SGCZ: variants seen among roughly 807,000 people sequenced by gnomAD.
SGCZ encodes the protein sarcoglycan zeta, also known as zeta-sarcoglycan.
Under a neutral mutation model 41.3 loss-of-function variants are expected in SGCZ, and 40 were observed. The observed-to-expected ratio is 0.97, with a 90% confidence interval of 0.75 to 1.26. The LOEUF (loss-of-function observed/expected upper bound fraction) is 1.26. Among genes scored for constraint, SGCZ ranks in the 50% most tolerant of loss-of-function variants. SGCZ has a pLI of 0.00. For synonymous variants in SGCZ, 206 were observed against 137.5 expected, an observed-to-expected ratio of 1.50 and a Z score of -3.49; for missense variants, 552 against 369.8, an observed-to-expected ratio of 1.49 and a Z score of -4.04.
chr8:14,496,841 T>C (rs1265374439), intron 2 of SGCZ, among the ~76,000 whole-genome samples: 1 of 152,322 alleles, frequency 6.6e-6, no homozygotes, highest in South Asian at 2.1e-4. Context: ...AACAAGAGTG[T>C]ATACATTTTT....
intron 2 of SGCZ, among the ~76,000 whole-genome samples, chr8:14,417,371 GA>G (rs1799521571): frequency 1.3e-5 from 2 of 151,728 alleles, no homozygotes; most frequent in Admixed American, 6.6e-5. Flanking sequence ...TGAGGGTTAG[GA>G]AAATAGACTT....
At chr8:14,100,072 ACAGT>A (rs150051357) in intron 7 of SGCZ, among the ~76,000 whole-genome samples, 3,258 of 152,238 alleles carry the variant, frequency 0.021, 134 homozygotes, top group African/African-American at 0.075. Context: ...AATCTGTGGT[ACAGT>A]CAATGTAGCA....
chr8:14,837,528 G>A (rs1291497745), intron 1 of SGCZ, among the ~76,000 whole-genome samples: 1 of 152,216 alleles, frequency 6.6e-6, no homozygotes, highest in Non-Finnish European at 1.5e-5. Flanking sequence ...GTGTCCATGT[G>A]GCAAGTTTCT....
intron 1 of SGCZ, among the ~76,000 whole-genome samples, chr8:14,650,354 A>G (rs1807357491): frequency 6.6e-6 from 1 of 151,996 alleles, no homozygotes. Flanking sequence ...TGTTTTTTAA[A>G]AAACTTGTAT....
At chr8:14,512,080 G>A (rs1481050265) in intron 2 of SGCZ, among the ~76,000 whole-genome samples, 2 of 152,066 alleles carry the variant, frequency 1.3e-5, no homozygotes, top group Non-Finnish European at 2.9e-5. Context: ...AGTAATAACT[G>A]ACACCATGAA....
Position 14,590,917 on chromosome 8 carries a change from T to G in SGCZ, c.40-35991A>C, listed in dbSNP as rs112168681. 8.5e-3 allele frequency among the ~76,000 whole-genome samples: 1,269 copies of G among 149,966 alleles called. 12 individuals are homozygous for G. The highest frequency in any genetic ancestry group is 0.029 in the African/African-American group (1,211 of 41,176). The stretch of plus-strand genomic sequence containing the variant: ...TATATTATAAAGTACATACACTATA[T>G]ATGTCATATATGTGCTATATAATGT... On this transcript the variant is annotated intron_variant, in intron 1 of 7. Transcript: ENST00000382080.
chr8:14,869,297 T>C (rs188569218), intron 1 of SGCZ, among the ~76,000 whole-genome samples: 13 of 152,260 alleles, frequency 8.5e-5, no homozygotes, highest in African/African-American at 2.9e-4. Context: ...TGCAAATCAA[T>C]AAACGTAATC....
chr8:14,495,779 G>GT (rs113691111), intron 2 of SGCZ, among the ~76,000 whole-genome samples: 77,754 of 151,772 alleles, frequency 0.51, 20,366 homozygotes, highest in African/African-American at 0.61. Context: ...TTAGATAAAC[G>GT]TTTTTTTGAA....
intron 1 of SGCZ, among the ~76,000 whole-genome samples, chr8:15,170,135 TC>T (rs994168157): frequency 2.9e-5 from 4 of 138,586 alleles, no homozygotes; most frequent in African/African-American, 5.4e-5. Flanking sequence ...TAAATTTTTT[TC>T]CATGTGCAGA....
chr8:14,994,645 T>A (rs1802151381), intron 1 of SGCZ, among the ~76,000 whole-genome samples: 1 of 151,396 alleles, frequency 6.6e-6, no homozygotes, highest in Non-Finnish European at 1.5e-5. Context: ...CATGGTAGAT[T>A]AGGGGCGTGT....
At chr8:14,749,341 T>A (rs1413560984) in intron 1 of SGCZ, among the ~76,000 whole-genome samples, 1 of 152,144 alleles carries the variant, frequency 6.6e-6, no homozygotes, top group Non-Finnish European at 1.5e-5. Flanking sequence ...ATGAAGTCAT[T>A]TTTTGAATAC....
At chr8:14,615,493 C>G (rs1047445605) in intron 1 of SGCZ, among the ~76,000 whole-genome samples, 1 of 152,080 alleles carries the variant, frequency 6.6e-6, no homozygotes, top group East Asian at 1.9e-4. Flanking sequence ...ATAAACTGTG[C>G]TAAATTTAAT....
At chr8:14,678,699 G>A (rs117855017) in intron 1 of SGCZ, among the ~76,000 whole-genome samples, 2,509 of 152,198 alleles carry the variant, frequency 0.016, 40 homozygotes, top group South Asian at 0.084. Context: ...TCCTCAAAAG[G>A]AATTGAAAAC....
At chr8:14,213,780 A>C (rs7830850) in intron 4 of SGCZ, among the ~76,000 whole-genome samples, 5,905 of 152,242 alleles carry the variant, frequency 0.039, 127 homozygotes, top group Middle Eastern at 0.086. Context: ...TTAAATATTT[A>C]AGAAATGTAA....
At position 14,357,394 on chromosome 8, in the gene SGCZ, T is replaced by A. The variant is rs368589068; in HGVS notation, c.235-33190A>T. On this transcript the variant is annotated intron_variant, in intron 2 of 7. Transcript: ENST00000382080. ...CATGTTATTTTTGACTGAAAATTCT[T>A]CGCAACATAAAAAAACTGTGTAGCA... Among the ~76,000 whole-genome samples the A allele has an allele frequency of 2.0e-5, 3 of 152,316 alleles. No homozygotes were observed. The East Asian group carries it at 5.8e-4, about 29-fold the overall frequency.
At chr8:14,633,049 A>C (rs1288643143) in intron 1 of SGCZ, among the ~76,000 whole-genome samples, 1 of 152,020 alleles carries the variant, frequency 6.6e-6, no homozygotes, top group Non-Finnish European at 1.5e-5. Flanking sequence ...ATTGAATTAC[A>C]TGAAATCTCT....
chr8:15,029,697 G>A (rs940583718), intron 1 of SGCZ, among the ~76,000 whole-genome samples: 1 of 152,038 alleles, frequency 6.6e-6, no homozygotes, highest in African/African-American at 2.4e-5. Context: ...AAGAAAAAAT[G>A]CTGAATCCCA....
intron 1 of SGCZ, among the ~76,000 whole-genome samples, chr8:15,163,790 T>C (rs564493712): frequency 6.6e-6 from 1 of 152,368 alleles, no homozygotes; most frequent in African/African-American, 2.4e-5. Context: ...AGCAAAGGTT[T>C]AGATAAATAG....
At chr8:15,034,067 C>A (rs996350627) in intron 1 of SGCZ, among the ~76,000 whole-genome samples, 1 of 149,366 alleles carries the variant, frequency 6.7e-6, no homozygotes, top group Non-Finnish European at 1.5e-5. Context: ...AACAAAAAGA[C>A]ACAATAGCAC....
Sources: allele counts gnomAD v4.1 joint callset (sites outside exome capture counted in the v4.1 genomes callset), GRCh38; gene constraint gnomAD v4.1.1; transcripts MANE v1.5; gene names NCBI Gene and HGNC (gene_info 2026-07-23, HGNC 2026-07-21).